RANBP17: variants seen among roughly 807,000 people sequenced by gnomAD.
RANBP17 encodes the protein RAN binding protein 17.
In RANBP17, 158 loss-of-function variants were observed where a neutral mutation model predicts 141.2. That is an observed-to-expected ratio of 1.12 (90% CI 0.98 to 1.28). The LOEUF (loss-of-function observed/expected upper bound fraction) is 1.28. Among genes scored for constraint, RANBP17 ranks in the 50% most tolerant of loss-of-function variants. The pLI, the probability that RANBP17 is intolerant of heterozygous loss-of-function variation, is 0.00. For synonymous variants in RANBP17, 430 were observed against 450.0 expected (o/e 0.96, Z 0.56); for missense variants, 1,438 against 1,290.7 (o/e 1.11, Z -1.75).
At position 170,919,459 on chromosome 5, in the gene RANBP17, A is replaced by G; in HGVS notation, c.1120A>G (p.Asn374Asp). ...TSLQHWEFAP[N>D]SVHYLLTLWQ... ...TTTGTAGCACTGGGAATTTGCTCCTAACAGTGTTCATTATTTATTAACTCT... is the reference window on the plus strand; with the variant it reads ...TTTGTAGCACTGGGAATTTGCTCCTGACAGTGTTCATTATTTATTAACTCT... The change falls in exon 11 of 28, where the codon AAC (asparagine) becomes GAC (aspartate). Residue 374 changes from asparagine (N) to aspartate (D), a missense_variant. Asn to Asp is a conservative substitution (Grantham distance 23, BLOSUM62 1). Transcript: ENST00000523189. 6.3e-7 allele frequency: 1 copy of G among 1,597,224 alleles called. No homozygotes were observed. The highest frequency in any genetic ancestry group is 8.5e-7 in the Non-Finnish European group (1 of 1,174,038).
intron 14 of RANBP17, among the ~76,000 whole-genome samples, chr5:170,987,541 T>TA (rs5873249): frequency 2.7e-5 from 4 of 150,556 alleles, no homozygotes; most frequent in East Asian, 1.9e-4. Context: ...TAGGCCTTTT[T>TA]AAAAAAAAAA....
At chr5:171,193,687 T>C (rs1156350623) in intron 18 of RANBP17, among the ~76,000 whole-genome samples, 1 of 152,204 alleles carries the variant, frequency 6.6e-6, no homozygotes, top group African/African-American at 2.4e-5. Context: ...CCTTGGCTCA[T>C]GGCCTCCCTT....
chr5:171,183,941 G>A (rs1175783764), intron 18 of RANBP17, among the ~76,000 whole-genome samples: 1 of 152,148 alleles, frequency 6.6e-6, no homozygotes, highest in Non-Finnish European at 1.5e-5. Flanking sequence ...TAAGTGAAAA[G>A]GCAAAGTGTT....
intron 18 of RANBP17, 114 bp downstream of exon 18, chr5:171,183,544 G>C: frequency 1.5e-6 from 1 of 685,640 alleles, no homozygotes; most frequent in Non-Finnish European, 2.5e-6. Context: ...AGCGTCTTCT[G>C]ACAGTTTTCT....
At chr5:171,149,439 T>C (rs1581739238) in intron 14 of RANBP17, among the ~76,000 whole-genome samples, 2 of 152,370 alleles carry the variant, frequency 1.3e-5, no homozygotes, top group East Asian at 3.9e-4. Context: ...TTTCACTTAC[T>C]GTATCAGCCT....
chr5:171,031,849 C>T (rs1781569035), intron 14 of RANBP17, among the ~76,000 whole-genome samples: 1 of 152,054 alleles, frequency 6.6e-6, no homozygotes, highest in Admixed American at 6.6e-5. Flanking sequence ...ACCATACCTT[C>T]ATGTCATTGG....
rs1758765607 is a variant in RANBP17, at chr5:171,155,024, G to A, written c.1711-15106G>A. Among the ~76,000 whole-genome samples, 4 of 145,146 alleles carry A rather than the reference G, an allele frequency of 2.8e-5. No homozygotes were observed. The Admixed American group carries it at 2.8e-4, about 10-fold the overall frequency. On this transcript the variant is annotated intron_variant, in intron 14 of 27. Transcript: ENST00000523189. ...ACCCGGGAGGCAGAGGTTGCAGTGA[G>A]CTGAAATCACGCCACTGCACTCCAG... is the stretch of plus-strand genomic sequence containing the variant.
At chr5:171,116,448 C>T (rs1245523059) in intron 14 of RANBP17, among the ~76,000 whole-genome samples, 1 of 152,182 alleles carries the variant, frequency 6.6e-6, no homozygotes, top group Non-Finnish European at 1.5e-5. Flanking sequence ...ATTAATAACA[C>T]TGGTGTAATG....
intron 14 of RANBP17, among the ~76,000 whole-genome samples, chr5:171,005,197 C>G (rs1420174198): frequency 2.0e-5 from 3 of 152,094 alleles, no homozygotes; most frequent in Non-Finnish European, 4.4e-5. Context: ...CAATGCCATC[C>G]CCATGAAGCT....
chr5:171,144,748 C>T (rs1757927208), intron 14 of RANBP17, among the ~76,000 whole-genome samples: 1 of 152,192 alleles, frequency 6.6e-6, no homozygotes, highest in African/African-American at 2.4e-5. Context: ...GTTTTCTTCA[C>T]TTGAAATGAC....
chr5:171,200,240 G>C (rs1236829388), intron 19 of RANBP17, among the ~76,000 whole-genome samples: 2 of 152,114 alleles, frequency 1.3e-5, no homozygotes, highest in Non-Finnish European at 2.9e-5. Context: ...AATAGGAACT[G>C]GTCTTGAAGT....
chr5:171,066,569 G>C (rs1305664386), intron 14 of RANBP17, among the ~76,000 whole-genome samples: 2 of 152,112 alleles, frequency 1.3e-5, no homozygotes, highest in Non-Finnish European at 2.9e-5. Context: ...CCATTCATCT[G>C]TTGTTGGACA....
intron 14 of RANBP17, among the ~76,000 whole-genome samples, chr5:171,147,932 T>C (rs1216999409): frequency 1.3e-5 from 2 of 151,884 alleles, no homozygotes; most frequent in African/African-American, 4.8e-5. Flanking sequence ...ACAATGGCGG[T>C]TTTGTGGAAT....
chr5:170,868,579 T>C (rs1432198126), intron 1 of RANBP17, among the ~76,000 whole-genome samples: 1 of 152,142 alleles, frequency 6.6e-6, no homozygotes, highest in Non-Finnish European at 1.5e-5. Context: ...GCCTGTCTGT[T>C]TGTATTTGAT....
intron 14 of RANBP17, among the ~76,000 whole-genome samples, chr5:171,082,985 G>C (rs1785353116): frequency 6.6e-6 from 1 of 151,906 alleles, no homozygotes; most frequent in African/African-American, 2.4e-5. Context: ...ATTTTTAAAA[G>C]ACAGTCAGCT....
At chr5:170,929,303 G>A (rs1277177755) in intron 12 of RANBP17, among the ~76,000 whole-genome samples, 1 of 151,990 alleles carries the variant, frequency 6.6e-6, no homozygotes, top group Non-Finnish European at 1.5e-5. Context: ...TTCTTGCCTT[G>A]TTTCTGTTTG....
chr5:171,213,691 A>C lies in RANBP17; in HGVS notation c.2292A>C (p.Thr764=), dbSNP rs750807192. The C allele has an allele frequency of 2.5e-6, 4 of 1,613,744 alleles. No homozygotes were observed. The East Asian group carries it at 8.9e-5, about 36-fold the overall frequency. The change falls in exon 21 of 28, where the codon ACA becomes ACC. Residue 764 remains threonine (T), a synonymous_variant. Coordinates refer to ENST00000523189, the MANE Select transcript of RANBP17 (RefSeq NM_022897.5). ...NAVERWYGEP[T]CTTPILKLMA... ...TTGAACGGTGGTATGGAGAGCCAAC[A>C]TGTACAACTCCCATCTTGAAACTTA...
chr5:171,221,800 T>C lies in RANBP17; in HGVS notation c.2382T>C (p.Ile794=), dbSNP rs746807650. The C allele has an allele frequency of 1.2e-6, 2 of 1,611,484 alleles. No individual in the cohort carries two copies. The highest frequency in any genetic ancestry group is 4.5e-5 in the East Asian group (2 of 44,778). The part of the protein sequence containing the change: ...LNFDVSSPNG[I]LLFREASKMV... The stretch of plus-strand genomic sequence containing the variant: ...TTGATGTATCATCTCCTAATGGAAT[T>C]CTTCTCTTCAGAGAAGCTAGTAAAA... Residue 794 remains isoleucine (I), a synonymous_variant, in exon 22 of 28, where the codon ATT becomes ATC. Transcript: ENST00000523189.
intron 12 of RANBP17, among the ~76,000 whole-genome samples, chr5:170,949,934 A>G (rs369090088): frequency 2.6e-5 from 4 of 152,302 alleles, no homozygotes; most frequent in South Asian, 4.1e-4. Context: ...TAGAAAACCC[A>G]TAAGTCGTAT....
Sources: gnomAD v4.1 joint callset for allele counts (sites outside exome capture counted in the v4.1 genomes callset) on GRCh38, gnomAD v4.1.1 for gene constraint, MANE v1.5 for transcripts, NCBI Gene and HGNC (gene_info 2026-07-23, HGNC 2026-07-21) for gene names.